The following SOX5 variants were observed in gnomAD, a reference collection of about 807,000 sequenced individuals.
SOX5 encodes the protein SRY-box transcription factor 5, also known as transcription factor SOX-5.
SOX5 carries 9 observed loss-of-function variants against 92.0 expected under a neutral mutation model. That is an observed-to-expected ratio of 0.10 (90% confidence interval 0.06 to 0.17). SOX5 has a LOEUF of 0.17. Ranked by LOEUF, SOX5 falls within the 10% of genes least tolerant of loss-of-function variation. The pLI, the probability that SOX5 is intolerant of heterozygous loss-of-function variation, is 1.00. For missense variants in SOX5, 642 were observed against 944.5 expected, an observed-to-expected ratio of 0.68 and a Z score of 4.20; for synonymous variants, 344 against 336.3, an observed-to-expected ratio of 1.02 and a Z score of -0.25.
At chr12:24,395,017 G>T (rs557458043) in intron 1 of SOX5, among the ~76,000 whole-genome samples, 10 of 152,168 alleles carry the variant, frequency 6.6e-5, no homozygotes, top group African/African-American at 2.4e-4. Flanking sequence ...AATGACTGTT[G>T]ATTAATGAGT....
At chr12:23,573,411 T>A (rs533978762) in intron 10 of SOX5, among the ~76,000 whole-genome samples, 1 of 152,330 alleles carries the variant, frequency 6.6e-6, no homozygotes, top group East Asian at 1.9e-4. Context: ...CTCTTATTCT[T>A]CATGTTCTTT....
Position 23,906,974 on chromosome 12 carries a change from C to G in SOX5, c.39-10950G>C, listed in dbSNP as rs546163607. On this transcript the variant is annotated intron_variant, in intron 1 of 14. Coordinates refer to ENST00000451604, the MANE Select transcript of SOX5 (RefSeq NM_006940.6). The stretch of plus-strand genomic sequence containing the variant: ...AAAAAATACTGTGTGAAATGCTTAC[C>G]CATTCTCAATATCTCTAATAAGGTA... Among the ~76,000 whole-genome samples, 3 of 152,088 alleles carry G rather than the reference C, an allele frequency of 2.0e-5. No individual in the cohort carries two copies. The South Asian group carries it at 6.2e-4, about 32-fold the overall frequency.
At chr12:23,757,556 C>G (rs2094431398) in intron 3 of SOX5, among the ~76,000 whole-genome samples, 1 of 151,884 alleles carries the variant, frequency 6.6e-6, no homozygotes, top group Non-Finnish European at 1.5e-5. Context: ...GTAGGTCAAA[C>G]AAACACCACT....
chr12:24,350,645 G>A (rs758202402), intron 2 of SOX5, among the ~76,000 whole-genome samples: 8 of 152,086 alleles, frequency 5.3e-5, no homozygotes, highest in Non-Finnish European at 1.0e-4. Context: ...CGCCTGGCCT[G>A]GTCAGCTTTT....
intron 1 of SOX5, among the ~76,000 whole-genome samples, chr12:23,921,223 G>A (rs935475885): frequency 2.0e-5 from 3 of 152,086 alleles, no homozygotes; most frequent in African/African-American, 7.2e-5. Flanking sequence ...GAAGAGGTCT[G>A]ATCATGATTA....
At position 23,533,920 on chromosome 12, in the gene SOX5, A is replaced by G. The variant is rs1304210860; in HGVS notation, c.*299T>C. On this transcript the variant is annotated 3_prime_UTR_variant, in exon 15 of 15. Transcript: ENST00000451604. ...CCATAAAGTTTATTTAAAAAAAAAA[A>G]AAAGTTGACGGGTAAGACTTCAGTG... is the stretch of plus-strand genomic sequence containing the variant. 4.2e-6 allele frequency: 1 copy of G among 237,142 alleles called. No individual in the cohort carries two copies. The highest frequency in any genetic ancestry group is 2.3e-5 in the African/African-American group (1 of 44,438). 14.7% of individuals were successfully genotyped at this position (237,142 alleles called of 1,614,324 possible). A position where few individuals can be genotyped will look rare whatever the true frequency, so the allele number is the denominator to read the frequency against.
At chr12:24,275,611 T>C (rs1944350090) in intron 3 of SOX5, among the ~76,000 whole-genome samples, 1 of 152,174 alleles carries the variant, frequency 6.6e-6, no homozygotes, top group South Asian at 2.1e-4. Context: ...TAAATCTATC[T>C]AAAATCTTCC....
At chr12:23,867,108 T>C (rs2096822977) in intron 2 of SOX5, among the ~76,000 whole-genome samples, 1 of 147,920 alleles carries the variant, frequency 6.8e-6, no homozygotes, top group South Asian at 2.1e-4. Context: ...TTATATGTTC[T>C]CAATAAATAT....
At chr12:24,264,839 A>C (rs1025124253) in intron 3 of SOX5, among the ~76,000 whole-genome samples, 8 of 152,228 alleles carry the variant, frequency 5.3e-5, no homozygotes, top group African/African-American at 1.9e-4. Context: ...ATATTACAAT[A>C]ACGGATGATG....
At chr12:23,974,581 T>A (rs1948703912) in intron 4 of SOX5, among the ~76,000 whole-genome samples, 1 of 152,190 alleles carries the variant, frequency 6.6e-6, no homozygotes, top group African/African-American at 2.4e-5. Flanking sequence ...TAGATTAGTA[T>A]CTTCCTTCAA....
intron 9 of SOX5, among the ~76,000 whole-genome samples, chr12:23,589,741 A>G (rs541499130): frequency 6.6e-6 from 1 of 152,088 alleles, no homozygotes; most frequent in African/African-American, 2.4e-5. Flanking sequence ...TATAAATAAC[A>G]TTGTTTCATT....
At chr12:23,786,114 C>A (rs1348208883) in intron 3 of SOX5, among the ~76,000 whole-genome samples, 1 of 151,838 alleles carries the variant, frequency 6.6e-6, no homozygotes, top group East Asian at 1.9e-4. Flanking sequence ...CATTCTTTTT[C>A]CATTGCTCAT....
intron 11 of SOX5, among the ~76,000 whole-genome samples, chr12:23,547,083 C>T (rs1177938910): frequency 6.6e-6 from 1 of 152,110 alleles, no homozygotes; most frequent in Non-Finnish European, 1.5e-5. Context: ...TCTACAGAGA[C>T]ATCAAGTTGT....
chr12:24,539,448 G>A (rs1214824325), intron 1 of SOX5, among the ~76,000 whole-genome samples: 1 of 152,094 alleles, frequency 6.6e-6, no homozygotes, highest in East Asian at 1.9e-4. Flanking sequence ...ACAAAAGTGT[G>A]TTCCAGAGCT....
At chr12:24,543,561 G>C in intron 1 of SOX5, among the ~76,000 whole-genome samples, 1 of 152,072 alleles carries the variant, frequency 6.6e-6, no homozygotes. Flanking sequence ...GGTGGTACGC[G>C]TGTGTGGTCT....
chr12:24,466,198 A>G (rs1396670109), intron 1 of SOX5, among the ~76,000 whole-genome samples: 1 of 151,944 alleles, frequency 6.6e-6, no homozygotes, highest in Non-Finnish European at 1.5e-5. Context: ...CCTCCTCCTC[A>G]TCTTCTTTTC....
chr12:24,499,438 C>T (rs879548284), intron 1 of SOX5, among the ~76,000 whole-genome samples: 1 of 152,030 alleles, frequency 6.6e-6, no homozygotes, highest in African/African-American at 2.4e-5. Context: ...ATGCGCACCG[C>T]AAGGAAAGGG....
intron 3 of SOX5, among the ~76,000 whole-genome samples, chr12:23,844,794 A>AT (rs1334204839): frequency 6.6e-6 from 1 of 152,128 alleles, no homozygotes; most frequent in Non-Finnish European, 1.5e-5. Flanking sequence ...AAACTGTCTT[A>AT]TTTTTAATAT....
chr12:23,789,787 A>C (rs935192192), intron 3 of SOX5, among the ~76,000 whole-genome samples: 1 of 152,178 alleles, frequency 6.6e-6, no homozygotes, highest in Non-Finnish European at 1.5e-5. Flanking sequence ...CAACTAATAA[A>C]ATCAGATCTT....
Sources: gnomAD v4.1 joint callset for allele counts (sites outside exome capture counted in the v4.1 genomes callset) on GRCh38, gnomAD v4.1.1 for gene constraint, MANE v1.5 for transcripts, NCBI Gene and HGNC (gene_info 2026-07-23, HGNC 2026-07-21) for gene names.